Variants in ANKFN1 observed in about 807,000 individuals in gnomAD.
ANKFN1 encodes the protein ankyrin repeat and fibronectin type III domain containing 1.
In ANKFN1, 74 loss-of-function variants were observed where a neutral mutation model predicts 108.7. The observed-to-expected ratio is 0.68, with a 90% CI of 0.56 to 0.83. ANKFN1 has a LOEUF of 0.83. ANKFN1 is among the 40% of genes least tolerant of loss of function. The pLI, the probability that ANKFN1 is intolerant of heterozygous loss-of-function variation, is 0.00. For missense variants in ANKFN1, 1,505 were observed against 1,382.3 expected, an observed-to-expected ratio of 1.09 and a Z score of -1.41; for synonymous variants, 547 against 516.2, an observed-to-expected ratio of 1.06 and a Z score of -0.81.
At chr17:56,285,873 T>C (rs2044203414) in intron 3 of ANKFN1, among the ~76,000 whole-genome samples, 1 of 149,016 alleles carries the variant, frequency 6.7e-6, no homozygotes, top group Admixed American at 6.7e-5. Context: ...ATGATGATGA[T>C]CACCTCCTAC....
chr17:56,264,674 T>G (rs1401324871), intron 3 of ANKFN1, among the ~76,000 whole-genome samples: 2 of 152,156 alleles, frequency 1.3e-5, no homozygotes, highest in African/African-American at 4.8e-5. Context: ...AGCACTGACC[T>G]TGGGTTCTAC....
intron 4 of ANKFN1, among the ~76,000 whole-genome samples, chr17:56,084,433 G>A (rs754744699): frequency 2.6e-5 from 4 of 151,398 alleles, no homozygotes; most frequent in Non-Finnish European, 4.4e-5. Context: ...AGACACATTT[G>A]GTTTTTCTCT....
intron 2 of ANKFN1, among the ~76,000 whole-genome samples, chr17:56,217,579 C>T (rs1269633744): frequency 6.6e-6 from 1 of 152,118 alleles, no homozygotes; most frequent in East Asian, 1.9e-4. Context: ...AGGCCATGGA[C>T]ACTGCCAAAT....
chr17:56,506,041 T>C (rs2051546920), intron 20 of ANKFN1, among the ~76,000 whole-genome samples: 1 of 44,106 alleles, frequency 2.3e-5, no homozygotes, highest in Admixed American at 6.3e-4. Flanking sequence ...AGTGACATTA[T>C]TTGTTTTTTT....
chr17:56,462,860 T>A (rs1381495201), intron 14 of ANKFN1, among the ~76,000 whole-genome samples: 1 of 152,182 alleles, frequency 6.6e-6, no homozygotes, highest in Non-Finnish European at 1.5e-5. Flanking sequence ...TAAAAGATTC[T>A]GACCAAGGCA....
chr17:56,186,793 A>C (rs973276083), intron 1 of ANKFN1, among the ~76,000 whole-genome samples: 1 of 152,212 alleles, frequency 6.6e-6, no homozygotes, highest in Non-Finnish European at 1.5e-5. Context: ...TGTTGTTAAA[A>C]ATCGCACGGG....
intron 6 of ANKFN1, among the ~76,000 whole-genome samples, chr17:56,354,560 T>C (rs150251139): frequency 6.6e-6 from 1 of 152,106 alleles, no homozygotes; most frequent in South Asian, 2.1e-4. Context: ...AGCAAGTAAA[T>C]AGATAAAATA....
intron 1 of ANKFN1, among the ~76,000 whole-genome samples, chr17:56,193,657 A>G (rs892685193): frequency 3.4e-4 from 52 of 152,220 alleles, no homozygotes; most frequent in African/African-American, 1.2e-3. Context: ...ACAGACCCAA[A>G]TAAAAAGCAT....
intron 1 of ANKFN1, among the ~76,000 whole-genome samples, chr17:56,181,863 T>C (rs1172411037): frequency 6.6e-6 from 1 of 152,204 alleles, no homozygotes; most frequent in Non-Finnish European, 1.5e-5. Context: ...ATGGGCATCA[T>C]TTTTCCAATA....
At chr17:56,055,572 T>TATATATATATATATATATATATATAC (rs1567778608) in intron 4 of ANKFN1, among the ~76,000 whole-genome samples, 2 of 101,770 alleles carry the variant, frequency 2.0e-5, no homozygotes, top group African/African-American at 1.2e-4. Flanking sequence ...TATACATATA[T>TATATATATATATATATATATATATAC]ATATATATAT....
chr17:56,387,219 T>C (rs1205094041), intron 8 of ANKFN1, among the ~76,000 whole-genome samples: 1 of 152,156 alleles, frequency 6.6e-6, no homozygotes, highest in African/African-American at 2.4e-5. Flanking sequence ...TTACTAGTTT[T>C]GCTTTTCTTT....
At chr17:56,328,311 A>G (rs549780772) in intron 4 of ANKFN1, among the ~76,000 whole-genome samples, 1 of 152,158 alleles carries the variant, frequency 6.6e-6, no homozygotes, top group Non-Finnish European at 1.5e-5. Context: ...TGATTTGAGA[A>G]GCTCTAGAAG....
intron 3 of ANKFN1, among the ~76,000 whole-genome samples, chr17:56,235,619 C>T (rs1917072350): frequency 6.6e-6 from 1 of 152,132 alleles, no homozygotes; most frequent in Non-Finnish European, 1.5e-5. Flanking sequence ...GAGTCCTTTC[C>T]TCACTGACGG....
intron 4 of ANKFN1, among the ~76,000 whole-genome samples, chr17:56,061,076 G>A (rs1310146535): frequency 6.6e-6 from 1 of 152,006 alleles, no homozygotes; most frequent in Non-Finnish European, 1.5e-5. Flanking sequence ...GCTTTTTTTG[G>A]TTGGTAGGCT....
At chr17:56,266,651 G>T (rs1479686510) in intron 3 of ANKFN1, among the ~76,000 whole-genome samples, 1 of 152,074 alleles carries the variant, frequency 6.6e-6, no homozygotes, top group Non-Finnish European at 1.5e-5. Flanking sequence ...AATGTCCTTG[G>T]TTTTTGTTGA....
At chr17:56,469,000 G>T (rs777782189) in intron 15 of ANKFN1, among the ~76,000 whole-genome samples, 1 of 152,162 alleles carries the variant, frequency 6.6e-6, no homozygotes, top group Non-Finnish European at 1.5e-5. Flanking sequence ...GGCTACCTTT[G>T]CTCCTAGAAA....
chr17:56,258,306 A>G (rs1051385184), intron 3 of ANKFN1: 1 of 152,208 alleles, frequency 6.6e-6, no homozygotes, highest in Non-Finnish European at 1.5e-5. Context: ...TAAAAATTGT[A>G]TTTTAAAGAC....
chr17:56,187,507 C>G (rs1478561064), intron 1 of ANKFN1, among the ~76,000 whole-genome samples: 21 of 152,166 alleles, frequency 1.4e-4, no homozygotes, highest in Admixed American at 1.4e-3. Context: ...ACTAGTTCAA[C>G]CATTGTAGAA....
chr17:56,182,344 A>C (rs1172338053), intron 1 of ANKFN1, among the ~76,000 whole-genome samples: 1 of 152,192 alleles, frequency 6.6e-6, no homozygotes, highest in Non-Finnish European at 1.5e-5. Flanking sequence ...AAAATTCTTG[A>C]AGGAAATTAA....
Sources: gnomAD v4.1 joint callset for allele counts (sites outside exome capture counted in the v4.1 genomes callset) on GRCh38, gnomAD v4.1.1 for gene constraint, MANE v1.5 for transcripts, NCBI Gene and HGNC (gene_info 2026-07-23, HGNC 2026-07-21) for gene names.